PDE4D: variants seen among roughly 807,000 people sequenced by gnomAD.
The protein encoded by PDE4D is 3',5'-cyclic-AMP phosphodiesterase 4D.
Under a neutral mutation model 87.4 loss-of-function variants are expected in PDE4D, and 24 were observed. That is an observed-to-expected ratio of 0.27 (90% CI 0.20 to 0.39). The LOEUF is 0.39. Ranked by LOEUF, PDE4D falls within the 10% of genes least tolerant of loss-of-function variation. PDE4D has a pLI of 1.00. For synonymous variants in PDE4D, 384 were observed against 383.2 expected (o/e 1.00, Z -0.02); for missense variants, 714 against 1,041.0 (o/e 0.69, Z 4.32).
chr5:59,762,238 A>T (rs944211636), intron 1 of PDE4D, among the ~76,000 whole-genome samples: 1 of 109,062 alleles, frequency 9.2e-6, no homozygotes, highest in Non-Finnish European at 2.2e-5. Flanking sequence ...ATATGCGTAT[A>T]TGTGTATATG....
intron 1 of PDE4D, among the ~76,000 whole-genome samples, chr5:60,313,282 C>T (rs189181922): frequency 3.3e-5 from 5 of 151,916 alleles, no homozygotes; most frequent in Non-Finnish European, 5.9e-5. Context: ...ACAAAAAACC[C>T]TCAGAGACTA....
chr5:60,285,732 G>A (rs1752360755), intron 1 of PDE4D, among the ~76,000 whole-genome samples: 1 of 152,170 alleles, frequency 6.6e-6, no homozygotes, highest in African/African-American at 2.4e-5. Context: ...CAAGTTCACA[G>A]AGTGACGTGG....
chr5:60,171,044 C>A (rs1459055837), intron 2 of PDE4D, among the ~76,000 whole-genome samples: 1 of 151,998 alleles, frequency 6.6e-6, no homozygotes, highest in Non-Finnish European at 1.5e-5. Context: ...ACTTCAAAAT[C>A]ACCTTACTTT....
At chr5:59,643,563 T>C (rs944559874) in intron 1 of PDE4D, among the ~76,000 whole-genome samples, 2 of 152,254 alleles carry the variant, frequency 1.3e-5, no homozygotes, top group Non-Finnish European at 1.5e-5. Flanking sequence ...TAGTTTATTA[T>C]ATATTTTTTT....
chr5:60,498,061 A>G (rs1254354625), intron 1 of PDE4D, among the ~76,000 whole-genome samples: 1 of 152,186 alleles, frequency 6.6e-6, no homozygotes, highest in African/African-American at 2.4e-5. Flanking sequence ...TGATCCATTC[A>G]AACTTAAATC....
At chr5:60,232,394 C>T (rs1283697758) in intron 1 of PDE4D, among the ~76,000 whole-genome samples, 3 of 151,846 alleles carry the variant, frequency 2.0e-5, no homozygotes, top group African/African-American at 4.8e-5. Flanking sequence ...ACTTTAAATG[C>T]TTTAATTCTC....
At chr5:60,411,162 T>G (rs1456637683) in intron 1 of PDE4D, among the ~76,000 whole-genome samples, 1 of 152,176 alleles carries the variant, frequency 6.6e-6, no homozygotes, top group Non-Finnish European at 1.5e-5. Context: ...CAAGTCACAC[T>G]CATTCTAGGT....
At chr5:59,134,640 A>G (rs1216471714) in intron 5 of PDE4D, among the ~76,000 whole-genome samples, 1 of 152,188 alleles carries the variant, frequency 6.6e-6, no homozygotes, top group African/African-American at 2.4e-5. Context: ...CACATTAAAC[A>G]TGGATTCTAA....
At chr5:59,535,286 C>T (rs1357420603) in intron 1 of PDE4D, among the ~76,000 whole-genome samples, 1 of 152,116 alleles carries the variant, frequency 6.6e-6, no homozygotes, top group Non-Finnish European at 1.5e-5. Context: ...GTCCTGTCCC[C>T]AGAAAGTCTG....
At chr5:60,393,360 T>A (rs996545916) in intron 1 of PDE4D, among the ~76,000 whole-genome samples, 3 of 152,164 alleles carry the variant, frequency 2.0e-5, no homozygotes, top group African/African-American at 7.2e-5. Flanking sequence ...GCACATTGTG[T>A]CCAATACTTG....
intron 5 of PDE4D, among the ~76,000 whole-genome samples, chr5:59,153,919 G>A (rs925002951): frequency 1.6e-4 from 24 of 152,140 alleles, no homozygotes; most frequent in African/African-American, 5.6e-4. Context: ...ATGAGATAAA[G>A]TGAACCAGGC....
At chr5:59,864,726 C>T (rs1746766370) in intron 1 of PDE4D, among the ~76,000 whole-genome samples, 1 of 152,124 alleles carries the variant, frequency 6.6e-6, no homozygotes, top group African/African-American at 2.4e-5. Context: ...ACTGGCAGTA[C>T]CTTTCACCCT....
At chr5:60,291,004 A>G (rs1023875655) in intron 1 of PDE4D, among the ~76,000 whole-genome samples, 10 of 152,202 alleles carry the variant, frequency 6.6e-5, no homozygotes, top group Non-Finnish European at 1.5e-4. Flanking sequence ...AAAGAACGAA[A>G]TGTTCTGCAC....
At position 59,339,079 on chromosome 5, in the gene PDE4D, A is replaced by G. The variant is rs143310978; in HGVS notation, c.456-123111T>C. Among the ~76,000 whole-genome samples, 109 of 152,268 alleles carry G rather than the reference A, an allele frequency of 7.2e-4. 2 individuals are homozygous for G. In the East Asian group the frequency reaches 0.02, roughly 28 times the overall value. On this transcript the variant is annotated intron_variant, in intron 1 of 14. Transcript: ENST00000340635. Reference sequence around the variant, plus strand: ...CAAGTCCTACAGAACTGTAGCTTCAACTAGAAGCCAAGCCCTACCTTTGTC... The same window carrying G: ...CAAGTCCTACAGAACTGTAGCTTCAGCTAGAAGCCAAGCCCTACCTTTGTC...
intron 1 of PDE4D, among the ~76,000 whole-genome samples, chr5:59,632,465 G>T (rs1274752930): frequency 6.6e-6 from 1 of 152,194 alleles, no homozygotes; most frequent in East Asian, 1.9e-4. Flanking sequence ...CTCCCAGCAG[G>T]GGTTGACAGA....
At chr5:59,924,612 C>A (rs1755041896) in intron 3 of PDE4D, among the ~76,000 whole-genome samples, 1 of 149,942 alleles carries the variant, frequency 6.7e-6, no homozygotes, top group Admixed American at 6.6e-5. Context: ...ATAGTATATC[C>A]AGCAAAAATA....
Position 58,975,618 on chromosome 5 carries a change from G to C in PDE4D, c.2013+39C>G. On this transcript the variant is annotated intron_variant, in intron 14 of 14. Transcript: ENST00000340635. This position sits in a 1 kb window ranked among gnomAD's most constrained non-coding sequence, Gnocchi z 4.2. ...AAAGTAACCAAATGCTAAAGCGGTA[G>C]CTCTGTTCTCTCTGAAAGCTATACA... is the stretch of plus-strand genomic sequence containing the variant. 7.0e-7 allele frequency: 1 copy of C among 1,431,158 alleles called. No homozygotes were observed. Among genetic ancestry groups the C allele is most frequent in the Non-Finnish European group, 9.3e-7 (1 of 1,071,170 alleles). The allele number at this position is 1,431,158 out of a possible 1,614,324, so 88.7% of individuals were successfully genotyped here. A position where few individuals can be genotyped will look rare whatever the true frequency, so the allele number is the denominator to read the frequency against.
At chr5:59,991,493 GCAA>G (rs1763001471) in intron 2 of PDE4D, among the ~76,000 whole-genome samples, 1 of 152,014 alleles carries the variant, frequency 6.6e-6, no homozygotes, top group South Asian at 2.1e-4. Context: ...CCATTTGCTA[GCAA>G]CAACATAATA....
chr5:58,995,334 A>G (rs752921829), intron 6 of PDE4D, among the ~76,000 whole-genome samples: 2 of 152,194 alleles, frequency 1.3e-5, no homozygotes, highest in Non-Finnish European at 2.9e-5. Flanking sequence ...ATGTGAATAC[A>G]TATTTTTAAA....
Sources: gnomAD v4.1 joint callset for allele counts (sites outside exome capture counted in the v4.1 genomes callset) on GRCh38, gnomAD v4.1.1 for gene constraint, Gnocchi (gnomAD v3.1) non-coding constraint, MANE v1.5 for transcripts, NCBI Gene and HGNC (gene_info 2026-07-23, HGNC 2026-07-21) for gene names.